HCRTR2: variants seen among roughly 807,000 people sequenced by gnomAD.
HCRTR2 encodes hypocretin receptor 2.
In HCRTR2, 22 loss-of-function variants were observed where a neutral mutation model predicts 49.0. The observed-to-expected ratio is 0.45, with a 90% CI of 0.32 to 0.64. HCRTR2 has a LOEUF of 0.64. Among genes scored for constraint, HCRTR2 ranks in the 30% least tolerant of loss-of-function variants. The pLI, the probability that HCRTR2 is intolerant of heterozygous loss-of-function variation, is 0.04. For synonymous variants in HCRTR2, 236 were observed against 205.3 expected, an observed-to-expected ratio of 1.15 and a Z score of -1.28; for missense variants, 491 against 559.4, an observed-to-expected ratio of 0.88 and a Z score of 1.23.
chr6:55,164,430 A>T (rs1764848262), intron 1 of HCRTR2, among the ~76,000 whole-genome samples: 1 of 152,196 alleles, frequency 6.6e-6, no homozygotes. Flanking sequence ...TACACCATGA[A>T]ATACTATGCA....
chr6:55,130,564 A>G (rs1308569425), intron 1 of HCRTR2, among the ~76,000 whole-genome samples: 1 of 151,844 alleles, frequency 6.6e-6, no homozygotes, highest in Admixed American at 6.6e-5. Flanking sequence ...TGAAGCCAAA[A>G]TGATACTTTG....
intron 1 of HCRTR2, among the ~76,000 whole-genome samples, chr6:55,146,657 A>G (rs1764584657): frequency 6.6e-6 from 1 of 151,860 alleles, no homozygotes; most frequent in Non-Finnish European, 1.5e-5. Flanking sequence ...TATTTGTCCA[A>G]ACTAATTTCT....
At chr6:55,182,295 A>C (rs2127273768) in intron 1 of HCRTR2, among the ~76,000 whole-genome samples, 1 of 152,310 alleles carries the variant, frequency 6.6e-6, no homozygotes, top group Middle Eastern at 3.4e-3. Context: ...ATTATGCCAG[A>C]ATTGGTCTGG....
chr6:55,221,716 G>A (rs1290623935), intron 1 of HCRTR2, among the ~76,000 whole-genome samples: 2 of 151,950 alleles, frequency 1.3e-5, no homozygotes, highest in African/African-American at 2.4e-5. Flanking sequence ...AGGAGGCTGA[G>A]GCAGGAGAAT....
At chr6:55,137,721 C>G (rs1446484887) in intron 1 of HCRTR2, among the ~76,000 whole-genome samples, 1 of 152,180 alleles carries the variant, frequency 6.6e-6, no homozygotes, top group African/African-American at 2.4e-5. Flanking sequence ...CACTGAGCCT[C>G]AGGCTGGCCA....
At chr6:55,236,871 T>C (rs1271782191) in intron 1 of HCRTR2, among the ~76,000 whole-genome samples, 1 of 152,152 alleles carries the variant, frequency 6.6e-6, no homozygotes, top group Non-Finnish European at 1.5e-5. Context: ...AGATAATGTA[T>C]TTGCCTTGCC....
In HCRTR2 at chr6:55,187,130, G is replaced by C. The variant is rs538579037; in HGVS notation, c.223+12320G>C. ...CCAGAGAAAGAAGACATTGGGGCCA[G>C]GTCTGGTGGCTCATGCCTGTAATCC... On this transcript the variant is annotated intron_variant, in intron 1 of 6. Coordinates refer to ENST00000370862, the MANE Select transcript of HCRTR2 (RefSeq NM_001384272.1). 2.1e-4 allele frequency among the ~76,000 whole-genome samples: 32 copies of C among 152,142 alleles called. No individual in the cohort carries two copies. The South Asian group carries it at 5.6e-3, about 27-fold the overall frequency.
chr6:55,161,755 C>T (rs370312997), intron 1 of HCRTR2, among the ~76,000 whole-genome samples: 2 of 152,176 alleles, frequency 1.3e-5, no homozygotes, highest in South Asian at 2.1e-4. Context: ...AATTCCTGGA[C>T]ACATACACCT....
intron 1 of HCRTR2, among the ~76,000 whole-genome samples, chr6:55,111,792 A>G (rs113948145): frequency 9.9e-4 from 150 of 152,202 alleles, no homozygotes; most frequent in African/African-American, 3.4e-3. Context: ...AAATCATTCT[A>G]TGAAGCCAGC....
intron 1 of HCRTR2, among the ~76,000 whole-genome samples, chr6:55,146,740 A>G (rs1764585773): frequency 6.6e-6 from 1 of 152,154 alleles, no homozygotes; most frequent in African/African-American, 2.4e-5. Flanking sequence ...ACTTTAGCAT[A>G]CATATGAATT....
At chr6:55,137,842 T>C (rs1764453501) in intron 1 of HCRTR2, among the ~76,000 whole-genome samples, 1 of 152,172 alleles carries the variant, frequency 6.6e-6, no homozygotes, top group Admixed American at 6.5e-5. Context: ...AAAAATACCT[T>C]AGTTGTTATT....
At chr6:55,206,090 A>G (rs1765596373) in intron 1 of HCRTR2, among the ~76,000 whole-genome samples, 1 of 152,098 alleles carries the variant, frequency 6.6e-6, no homozygotes, top group African/African-American at 2.4e-5. Context: ...ATCAGGTCCA[A>G]TTAAATATTT....
At chr6:55,210,647 T>C (rs1765679555) in intron 1 of HCRTR2, among the ~76,000 whole-genome samples, 1 of 152,154 alleles carries the variant, frequency 6.6e-6, no homozygotes, top group South Asian at 2.1e-4. Context: ...GACATGACCC[T>C]GATAGTTTTC....
intron 1 of HCRTR2, among the ~76,000 whole-genome samples, chr6:55,112,245 G>A (rs548836556): frequency 6.6e-6 from 1 of 152,090 alleles, no homozygotes; most frequent in Middle Eastern, 3.4e-3. Context: ...AGGTGAGGAT[G>A]CCAACTTTCA....
chr6:55,239,217 T>C (rs1423162343), intron 1 of HCRTR2, among the ~76,000 whole-genome samples: 1 of 152,184 alleles, frequency 6.6e-6, no homozygotes, highest in African/African-American at 2.4e-5. Flanking sequence ...CCTAACCTTT[T>C]CCTCAGGCCA....
intron 1 of HCRTR2, among the ~76,000 whole-genome samples, chr6:55,179,135 T>G (rs1343482480): frequency 6.6e-6 from 1 of 152,170 alleles, no homozygotes; most frequent in Non-Finnish European, 1.5e-5. Context: ...GATATGTAAG[T>G]GGTAGAATTG....
At chr6:55,213,067 A>G (rs533776716) in intron 1 of HCRTR2, among the ~76,000 whole-genome samples, 2 of 149,470 alleles carry the variant, frequency 1.3e-5, no homozygotes, top group African/African-American at 2.4e-5. Flanking sequence ...GTAAGAGTAC[A>G]TGAAAAAAAA....
chr6:55,256,962 G>A (rs1766664622), intron 3 of HCRTR2, among the ~76,000 whole-genome samples: 1 of 152,088 alleles, frequency 6.6e-6, no homozygotes, highest in Admixed American at 6.6e-5. Context: ...AACAAACTCA[G>A]TTCTGGCCAT....
chr6:55,121,459 G>A (rs1490873906), intron 1 of HCRTR2, among the ~76,000 whole-genome samples: 1 of 152,000 alleles, frequency 6.6e-6, no homozygotes, highest in Non-Finnish European at 1.5e-5. Flanking sequence ...AACTGAATAT[G>A]CTTTATTTCT....
Sources: gnomAD v4.1 joint callset for allele counts (sites outside exome capture counted in the v4.1 genomes callset) on GRCh38, gnomAD v4.1.1 for gene constraint, MANE v1.5 for transcripts, NCBI Gene and HGNC (gene_info 2026-07-23, HGNC 2026-07-21) for gene names.